The following GRIK2 variants were observed in gnomAD, a reference collection of about 807,000 sequenced individuals.
GRIK2 encodes glutamate ionotropic receptor kainate type subunit 2.
GRIK2 carries 32 observed loss-of-function variants against 100.3 expected under a neutral mutation model. The ratio of observed to expected loss-of-function variants is 0.32; its 90% CI spans 0.24 to 0.43. The LOEUF (loss-of-function observed/expected upper bound fraction) is 0.43, where lower values mean the gene tolerates loss of function less well. Ranked by LOEUF, GRIK2 falls within the 20% of genes least tolerant of loss-of-function variation. The pLI is 1.00. For synonymous variants in GRIK2, 417 were observed against 389.4 expected, an observed-to-expected ratio of 1.07 and a Z score of -0.83; for missense variants, 843 against 1,114.9, an observed-to-expected ratio of 0.76 and a Z score of 3.47.
chr6:101,584,432 T>C (rs1778253913), intron 2 of GRIK2, among the ~76,000 whole-genome samples: 2 of 152,068 alleles, frequency 1.3e-5, no homozygotes, highest in Non-Finnish European at 2.9e-5. Context: ...TTATTTTTTT[T>C]CTCATAATAA....
intron 7 of GRIK2, among the ~76,000 whole-genome samples, chr6:101,724,172 A>G (rs1451328826): frequency 1.6e-5 from 2 of 127,070 alleles, no homozygotes; most frequent in Non-Finnish European, 3.2e-5. Flanking sequence ...TGCCTTAGGT[A>G]TAGTCTTTAT....
At chr6:101,439,872 A>AT (rs1410652924) in intron 2 of GRIK2, among the ~76,000 whole-genome samples, 1 of 152,110 alleles carries the variant, frequency 6.6e-6, no homozygotes, top group Non-Finnish European at 1.5e-5. Context: ...AAAATAAATA[A>AT]TTTTTATCTT....
intron 7 of GRIK2, among the ~76,000 whole-genome samples, chr6:101,752,737 C>T (rs1273618109): frequency 5.3e-5 from 8 of 152,086 alleles, no homozygotes; most frequent in Admixed American, 2.0e-4. Flanking sequence ...AATACCAATA[C>T]TAACATGAAC....
chr6:101,666,597 C>A (rs1342128520), intron 4 of GRIK2, among the ~76,000 whole-genome samples: 1 of 152,212 alleles, frequency 6.6e-6, no homozygotes, highest in South Asian at 2.1e-4. Context: ...GAGTGTCTCC[C>A]AGGAGCTAAT....
intron 2 of GRIK2, among the ~76,000 whole-genome samples, chr6:101,589,352 G>A (rs530572119): frequency 6.6e-6 from 1 of 152,184 alleles, no homozygotes; most frequent in East Asian, 1.9e-4. Context: ...AACACAGTAT[G>A]TTATTAACTA....
At chr6:101,931,541 C>A (rs2128472647) in intron 14 of GRIK2, among the ~76,000 whole-genome samples, 1 of 152,254 alleles carries the variant, frequency 6.6e-6, no homozygotes, top group Non-Finnish European at 1.5e-5. Flanking sequence ...ATTGCAAAGA[C>A]ATAGCAGAGT....
chr6:101,399,205 A>G lies in GRIK2; in HGVS notation c.-73A>G. 5.0e-6 allele frequency: 4 copies of G among 796,764 alleles called. No homozygotes were observed. Among genetic ancestry groups the G allele is most frequent in the Non-Finnish European group, 9.1e-6 (4 of 437,692 alleles). 49.4% of individuals were successfully genotyped at this position (796,764 alleles called of 1,614,324 possible). A position where few individuals can be genotyped will look rare whatever the true frequency, so the allele number is the denominator to read the frequency against. On this transcript the variant is annotated 5_prime_UTR_variant, in exon 2 of 17. Transcript: ENST00000369134. ...TGCGGTCACCACTCGACGCATCCTC[A>G]TTTCTACCCGAACCCAGGAGCCGAA...
chr6:101,921,724 A>G (rs1789533023), intron 12 of GRIK2, among the ~76,000 whole-genome samples: 1 of 152,050 alleles, frequency 6.6e-6, no homozygotes, highest in Non-Finnish European at 1.5e-5. Context: ...TGAAAGTGGG[A>G]ATCGGAGATA....
intron 14 of GRIK2, among the ~76,000 whole-genome samples, chr6:102,024,738 G>A (rs1769604492): frequency 6.6e-6 from 1 of 151,120 alleles, no homozygotes; most frequent in Non-Finnish European, 1.5e-5. Flanking sequence ...TATTTATGTA[G>A]AGCAATAATG....
At chr6:101,669,767 A>G (rs376231603) in intron 4 of GRIK2, among the ~76,000 whole-genome samples, 66 of 152,262 alleles carry the variant, frequency 4.3e-4, no homozygotes, top group African/African-American at 1.5e-3. Flanking sequence ...ATAAACATCT[A>G]TTTTTTGGAT....
intron 7 of GRIK2, among the ~76,000 whole-genome samples, chr6:101,715,593 A>T (rs979585783): frequency 2.0e-5 from 3 of 151,772 alleles, no homozygotes. Flanking sequence ...CAAGAATATA[A>T]TATAGTCCAA....
At chr6:101,560,147 A>G (rs1776933322) in intron 2 of GRIK2, among the ~76,000 whole-genome samples, 1 of 152,126 alleles carries the variant, frequency 6.6e-6, no homozygotes, top group Non-Finnish European at 1.5e-5. Flanking sequence ...TATTGCCAAC[A>G]ATAAACAATT....
chr6:102,035,830 C>A (rs1441260273), intron 15 of GRIK2, among the ~76,000 whole-genome samples: 1 of 151,120 alleles, frequency 6.6e-6, no homozygotes, highest in Non-Finnish European at 1.5e-5. Context: ...ACAGTATAAC[C>A]CAGCTAACCT....
At chr6:101,581,969 C>T (rs1011465735) in intron 2 of GRIK2, among the ~76,000 whole-genome samples, 1 of 151,956 alleles carries the variant, frequency 6.6e-6, no homozygotes, top group East Asian at 1.9e-4. Flanking sequence ...AAGGGTAGGA[C>T]CAGGTGGAGA....
chr6:101,768,817 A>G (rs78971749), intron 7 of GRIK2, among the ~76,000 whole-genome samples: 3,651 of 152,296 alleles, frequency 0.024, 170 homozygotes, highest in African/African-American at 0.083. Flanking sequence ...TGTATTGTTT[A>G]TATCATGAGA....
intron 2 of GRIK2, among the ~76,000 whole-genome samples, chr6:101,427,871 T>G (rs752272093): frequency 5.9e-5 from 9 of 152,194 alleles, no homozygotes; most frequent in South Asian, 2.1e-4. Context: ...CTAAAAGATG[T>G]TGGTGGTCTC....
At chr6:101,425,758 G>T (rs1776668991) in intron 2 of GRIK2, among the ~76,000 whole-genome samples, 1 of 152,048 alleles carries the variant, frequency 6.6e-6, no homozygotes, top group Non-Finnish European at 1.5e-5. Context: ...ATTTCTCTGA[G>T]AATTGTCAAC....
intron 10 of GRIK2, among the ~76,000 whole-genome samples, chr6:101,858,213 T>C (rs1157025868): frequency 6.6e-6 from 1 of 152,120 alleles, no homozygotes; most frequent in Non-Finnish European, 1.5e-5. Context: ...TGTATTTGTT[T>C]AGGCATTTGT....
At chr6:101,595,739 TATTCATACA>T (rs1778899543) in intron 2 of GRIK2, among the ~76,000 whole-genome samples, 2 of 148,198 alleles carry the variant, frequency 1.3e-5, no homozygotes, top group African/African-American at 2.5e-5. Context: ...TATATATATA[TATTCATACA>T]CATATAAATG....
Sources: gnomAD v4.1 joint callset for allele counts (sites outside exome capture counted in the v4.1 genomes callset) on GRCh38, gnomAD v4.1.1 for gene constraint, MANE v1.5 for transcripts, NCBI Gene and HGNC (gene_info 2026-07-23, HGNC 2026-07-21) for gene names.